The following MACROD2 variants were observed in gnomAD, a reference collection of about 807,000 sequenced individuals.
The protein encoded by MACROD2 is mono-ADP ribosylhydrolase 2, also known as ADP-ribose glycohydrolase MACROD2.
Under a neutral mutation model 70.4 loss-of-function variants are expected in MACROD2, and 36 were observed. That is an observed-to-expected ratio of 0.51 (90% CI 0.39 to 0.68). The LOEUF is 0.68. MACROD2 is among the 30% of genes least tolerant of loss of function. MACROD2 has a pLI of 0.00. For missense variants in MACROD2, 496 were observed against 538.4 expected, an observed-to-expected ratio of 0.92 and a Z score of 0.78; for synonymous variants, 172 against 178.8, an observed-to-expected ratio of 0.96 and a Z score of 0.30.
chr20:15,038,624 C>A (rs117984028), intron 5 of MACROD2, among the ~76,000 whole-genome samples: 1 of 152,144 alleles, frequency 6.6e-6, no homozygotes, highest in African/African-American at 2.4e-5. Flanking sequence ...ATGCAGCAAA[C>A]CCCAGCAGTT....
At chr20:14,278,371 G>A (rs1398297897) in intron 3 of MACROD2, among the ~76,000 whole-genome samples, 1 of 152,166 alleles carries the variant, frequency 6.6e-6, no homozygotes, top group Non-Finnish European at 1.5e-5. Flanking sequence ...GCTGGGCAGT[G>A]GTGAGAGGCA....
chr20:14,927,355 C>T (rs951746709), intron 5 of MACROD2, among the ~76,000 whole-genome samples: 2 of 152,146 alleles, frequency 1.3e-5, no homozygotes, highest in African/African-American at 4.8e-5. Context: ...AGGGATGACA[C>T]CTCAAAAATG....
intron 2 of MACROD2, among the ~76,000 whole-genome samples, chr20:14,020,908 A>ATT (rs1311157081): frequency 1.4e-5 from 2 of 145,182 alleles, no homozygotes; most frequent in Non-Finnish European, 3.0e-5. Flanking sequence ...CTTCTTAGGT[A>ATT]TTTTCTGAGC....
chr20:14,279,924 T>G (rs993572832), intron 3 of MACROD2, among the ~76,000 whole-genome samples: 2 of 152,148 alleles, frequency 1.3e-5, no homozygotes, highest in African/African-American at 2.4e-5. Flanking sequence ...TGTGTGACCT[T>G]TAAGAAAATT....
At chr20:15,026,354 G>T (rs905753783) in intron 5 of MACROD2, among the ~76,000 whole-genome samples, 3 of 151,932 alleles carry the variant, frequency 2.0e-5, no homozygotes, top group African/African-American at 7.3e-5. Flanking sequence ...CCCTCAAAAT[G>T]GAAGGATTTC....
At chr20:15,356,748 C>T (rs2078291885) in intron 6 of MACROD2, among the ~76,000 whole-genome samples, 1 of 152,154 alleles carries the variant, frequency 6.6e-6, no homozygotes, top group African/African-American at 2.4e-5. Context: ...TGCACCACTG[C>T]ACTCCAACCT....
chr20:14,861,448 A>G (rs1156967676), intron 5 of MACROD2, among the ~76,000 whole-genome samples: 1 of 152,048 alleles, frequency 6.6e-6, no homozygotes, highest in Non-Finnish European at 1.5e-5. Context: ...ACTGACTAAG[A>G]GACAGTGGCA....
At position 14,537,903 on chromosome 20, in the gene MACROD2, C is replaced by G. The variant is rs367951707; in HGVS notation, c.301+44395C>G. 7.2e-5 allele frequency among the ~76,000 whole-genome samples: 11 copies of G among 152,318 alleles called. 1 individual carries two copies. Among genetic ancestry groups the G allele is most frequent in the African/African-American group, 2.6e-4 (11 of 41,574 alleles). On this transcript the variant is annotated intron_variant, in intron 4 of 17. Coordinates refer to ENST00000684519, the MANE Select transcript of MACROD2 (RefSeq NM_001351661.2). Reference sequence around the variant, plus strand: ...AAGGAAACAGGAACCTCTCAGAAATCCGATGCAGCTCCTTACTAGATCTCT... The same window carrying G: ...AAGGAAACAGGAACCTCTCAGAAATGCGATGCAGCTCCTTACTAGATCTCT...
At chr20:14,295,811 A>G (rs2082422406) in intron 3 of MACROD2, among the ~76,000 whole-genome samples, 1 of 151,856 alleles carries the variant, frequency 6.6e-6, no homozygotes, top group Non-Finnish European at 1.5e-5. Flanking sequence ...AGTTTACTCT[A>G]TAGAGGATAA....
At chr20:15,961,933 C>G (rs1259123053) in intron 12 of MACROD2, among the ~76,000 whole-genome samples, 23 of 152,150 alleles carry the variant, frequency 1.5e-4, no homozygotes, top group Non-Finnish European at 1.2e-4. Flanking sequence ...ACTGAAATAA[C>G]CAAGTCACAG....
intron 7 of MACROD2, among the ~76,000 whole-genome samples, chr20:15,466,302 C>A (rs1319408241): frequency 2.0e-5 from 3 of 152,192 alleles, no homozygotes; most frequent in Admixed American, 1.3e-4. Flanking sequence ...ACAGATTAGG[C>A]AGGCTTCCAA....
chr20:15,947,074 ACTCCCGCCACAGGGCGGTTTTT>A (rs1447696394), intron 12 of MACROD2, among the ~76,000 whole-genome samples: 1 of 152,042 alleles, frequency 6.6e-6, no homozygotes, highest in African/African-American at 2.4e-5. Flanking sequence ...ACGTGTCTCG[ACTCCCGCCACAGGGCGGTTTTT>A]CTCCTATCTC....
At chr20:14,233,706 AAAAAAAAGAAAAG>A (rs1341655492) in intron 3 of MACROD2, among the ~76,000 whole-genome samples, 1 of 142,496 alleles carries the variant, frequency 7.0e-6, no homozygotes, top group Non-Finnish European at 1.5e-5. Context: ...CACAAAAAAA[AAAAAAAAGAAAAG>A]AAAAGAAAAG....
At chr20:15,677,742 C>T (rs1489717837) in intron 8 of MACROD2, among the ~76,000 whole-genome samples, 2 of 152,056 alleles carry the variant, frequency 1.3e-5, no homozygotes, top group Non-Finnish European at 2.9e-5. Context: ...ACTAACAATA[C>T]TGAAACTTTG....
chr20:14,736,067 A>T (rs2071661247), intron 5 of MACROD2, among the ~76,000 whole-genome samples: 1 of 152,204 alleles, frequency 6.6e-6, no homozygotes, highest in Non-Finnish European at 1.5e-5. Context: ...AAAGGTAGAA[A>T]CAAGCCCATA....
At chr20:14,076,984 A>G (rs1396984564) in intron 2 of MACROD2, among the ~76,000 whole-genome samples, 1 of 152,202 alleles carries the variant, frequency 6.6e-6, no homozygotes, top group Non-Finnish European at 1.5e-5. Flanking sequence ...ACAAAAATCC[A>G]TGTGTTTAAC....
intron 3 of MACROD2, among the ~76,000 whole-genome samples, chr20:14,161,047 C>T (rs1412441940): frequency 6.6e-6 from 1 of 152,114 alleles, no homozygotes; most frequent in Non-Finnish European, 1.5e-5. Context: ...TATGTTCGTG[C>T]ATACCCATTG....
At chr20:14,815,492 G>A (rs1040840367) in intron 5 of MACROD2, among the ~76,000 whole-genome samples, 1 of 150,992 alleles carries the variant, frequency 6.6e-6, no homozygotes, top group Admixed American at 6.6e-5. Context: ...ATTATGTGTG[G>A]GTGTGTGTGT....
intron 5 of MACROD2, among the ~76,000 whole-genome samples, chr20:15,189,295 T>C: frequency 6.6e-6 from 1 of 152,066 alleles, no homozygotes; most frequent in Non-Finnish European, 1.5e-5. Flanking sequence ...TTATTAAAAT[T>C]CTAGAAATAC....
Sources: allele counts gnomAD v4.1 joint callset (sites outside exome capture counted in the v4.1 genomes callset), GRCh38; gene constraint gnomAD v4.1.1; transcripts MANE v1.5; gene names NCBI Gene and HGNC (gene_info 2026-07-23, HGNC 2026-07-21).